The following PLEKHA5 variants were observed in gnomAD, a reference collection of about 807,000 sequenced individuals.
PLEKHA5 encodes the protein pleckstrin homology domain containing A5.
Under a neutral mutation model 181.9 loss-of-function variants are expected in PLEKHA5, and 55 were observed. The observed-to-expected ratio is 0.30, with a 90% confidence interval of 0.24 to 0.38. The LOEUF is 0.38. Ranked by LOEUF, PLEKHA5 falls within the 10% of genes least tolerant of loss-of-function variation. PLEKHA5 has a pLI of 1.00. For missense variants in PLEKHA5, 1,432 were observed against 1,549.5 expected (o/e 0.92, Z 1.27); for synonymous variants, 535 against 529.4 (o/e 1.01, Z -0.15).
At chr12:19,340,900 A>T (rs562117615) in intron 21 of PLEKHA5, among the ~76,000 whole-genome samples, 92 of 148,464 alleles carry the variant, frequency 6.2e-4, no homozygotes, top group Non-Finnish European at 1.3e-4. Flanking sequence ...TTGTCCTGTG[A>T]CCCTGCCAAA....
chr12:19,181,298 A>G (rs1305006542), intron 3 of PLEKHA5, among the ~76,000 whole-genome samples: 1 of 152,170 alleles, frequency 6.6e-6, no homozygotes, highest in African/African-American at 2.4e-5. Context: ...AATGAAGTAG[A>G]ACAACAGTAC....
rs1458545295 is a variant in PLEKHA5 at position 19,333,693 on chromosome 12, C to A, written c.2449-2822C>A. On this transcript the variant is annotated intron_variant, in intron 20 of 31. Coordinates refer to ENST00000429027, the MANE Select transcript of PLEKHA5 (RefSeq NM_001256470.2). ...ACACCATCTCGGCTCACTGCAACCT[C>A]CACCCCCCAGGTTCAAGCAATTCTC... 5.3e-5 allele frequency among the ~76,000 whole-genome samples: 8 copies of A among 150,022 alleles called. 1 individual carries two copies. Among genetic ancestry groups the A allele is most frequent in the Non-Finnish European group, 1.2e-4 (8 of 67,708 alleles).
At chr12:19,282,878 T>C (rs2076474948) in intron 11 of PLEKHA5, among the ~76,000 whole-genome samples, 2 of 152,088 alleles carry the variant, frequency 1.3e-5, no homozygotes, top group Non-Finnish European at 2.9e-5. Context: ...GTTTATACCT[T>C]GGATAATATT....
At chr12:19,174,567 G>A (rs191423206) in intron 3 of PLEKHA5, among the ~76,000 whole-genome samples, 1 of 152,216 alleles carries the variant, frequency 6.6e-6, no homozygotes, top group Admixed American at 6.5e-5. Flanking sequence ...AGAGGCGTGG[G>A]ATTTACACTT....
Position 19,325,302 on chromosome 12 carries a change from G to A in PLEKHA5, c.2448+2635G>A, listed in dbSNP as rs376259762. Among the ~76,000 whole-genome samples, 33 of 152,154 alleles carry A rather than the reference G, an allele frequency of 2.2e-4. 1 individual carries two copies. Among genetic ancestry groups the A allele is most frequent in the East Asian group, 1.6e-3 (8 of 5,148 alleles). ...GCTACTTAGGAGACTGAGGTGGGAG[G>A]ATCTCTTGAGCCCAGGAGGTCAAGG... On this transcript the variant is annotated intron_variant, in intron 20 of 31. Coordinates refer to ENST00000429027, the MANE Select transcript of PLEKHA5 (RefSeq NM_001256470.2).
chr12:19,347,620 G>A (rs1396703096), intron 24 of PLEKHA5, among the ~76,000 whole-genome samples: 1 of 152,008 alleles, frequency 6.6e-6, no homozygotes, highest in African/African-American at 2.4e-5. Flanking sequence ...TGTTGCTAAG[G>A]AGAGATGTCA....
At chr12:19,266,103 C>T (rs2070269704) in intron 8 of PLEKHA5, among the ~76,000 whole-genome samples, 1 of 152,084 alleles carries the variant, frequency 6.6e-6, no homozygotes, top group African/African-American at 2.4e-5. Flanking sequence ...TGTCAGAATG[C>T]TAATAATTGA....
At chr12:19,268,182 G>C (rs2071199401) in intron 8 of PLEKHA5, among the ~76,000 whole-genome samples, 1 of 152,106 alleles carries the variant, frequency 6.6e-6, no homozygotes, top group African/African-American at 2.4e-5. Flanking sequence ...ATTTTATGAT[G>C]TTAAAACAAA....
In PLEKHA5 at chr12:19,283,405, G is replaced by A; in HGVS notation, c.1439G>A (p.Ser480Asn). The change falls in exon 12 of 32, where the codon AGT becomes AAT. Residue 480 changes from serine (S) to asparagine (N), a missense_variant. Ser to Asn is a conservative substitution (Grantham distance 46). Coordinates refer to ENST00000429027, the MANE Select transcript of PLEKHA5 (RefSeq NM_001256470.2). Reference protein sequence around the residue: ...NSKTRPESICSVTPSTHDKTL... With the variant: ...NSKTRPESICNVTPSTHDKTL... The stretch of plus-strand genomic sequence containing the variant: ...AAGACAAGGCCTGAAAGTATCTGCA[G>A]TGTAACCCCTTCCACTCATGACAAG... The A allele has an allele frequency of 1.9e-6, 3 of 1,614,080 alleles. No individual in the cohort carries two copies. Among genetic ancestry groups the A allele is most frequent in the Middle Eastern group, 3.3e-4 (2 of 6,062 alleles).
intron 3 of PLEKHA5, among the ~76,000 whole-genome samples, chr12:19,230,696 C>T (rs2060399257): frequency 1.3e-5 from 2 of 152,148 alleles, no homozygotes; most frequent in Admixed American, 1.3e-4. Flanking sequence ...TGCGCTGGCC[C>T]ACAAGCGCTA....
intron 7 of PLEKHA5, among the ~76,000 whole-genome samples, chr12:19,264,447 C>T (rs2069618612): frequency 6.6e-6 from 1 of 152,102 alleles, no homozygotes; most frequent in Admixed American, 6.6e-5. Context: ...TGTGACTATA[C>T]CCTTTACATG....
At chr12:19,171,981 T>C (rs1484637803) in intron 3 of PLEKHA5, among the ~76,000 whole-genome samples, 1 of 152,200 alleles carries the variant, frequency 6.6e-6, no homozygotes, top group Non-Finnish European at 1.5e-5. Flanking sequence ...GTGATAACAA[T>C]GCCTTGCTTC....
intron 3 of PLEKHA5, among the ~76,000 whole-genome samples, chr12:19,228,990 G>T (rs756439059): frequency 5.9e-5 from 9 of 151,986 alleles, no homozygotes; most frequent in Non-Finnish European, 5.9e-5. Context: ...TAAAAGGGAA[G>T]AAAAAACTTG....
At chr12:19,156,684 T>C (rs2041799206) in intron 3 of PLEKHA5, among the ~76,000 whole-genome samples, 2 of 151,858 alleles carry the variant, frequency 1.3e-5, no homozygotes, top group African/African-American at 4.8e-5. Flanking sequence ...TTTCCCTCTT[T>C]TACAGAACAT....
chr12:19,321,952 C>T (rs555145894), intron 18 of PLEKHA5, among the ~76,000 whole-genome samples: 7 of 152,142 alleles, frequency 4.6e-5, no homozygotes, highest in South Asian at 2.1e-4. Flanking sequence ...AGAATTTAAA[C>T]ACTAAAACCC....
intron 20 of PLEKHA5, among the ~76,000 whole-genome samples, chr12:19,336,220 TA>T (rs775460792): frequency 1.5e-4 from 23 of 152,224 alleles, no homozygotes; most frequent in Non-Finnish European, 1.6e-4. Context: ...TCCAATATGC[TA>T]AAATACAAAC....
rs778527608 is a variant in PLEKHA5 at position 19,283,610 on chromosome 12, C to T, written c.1644C>T (p.Pro548=). 3.1e-6 allele frequency: 5 copies of T among 1,613,882 alleles called. No individual in the cohort carries two copies. The African/African-American group carries it at 4.0e-5, about 13-fold the overall frequency. ...CTGACCAGACAATGCACTCTATTCC[C>T]ACATCACCTTCCCACGGGTCAATAG... is the stretch of plus-strand genomic sequence containing the variant. ...NISDQTMHSI[P]TSPSHGSIAA... The change falls in exon 12 of 32, where the codon CCC becomes CCT. Residue 548 remains proline, a synonymous_variant. Transcript: ENST00000429027.
chr12:19,325,769 G>A (rs2091954558), intron 20 of PLEKHA5, among the ~76,000 whole-genome samples: 1 of 151,698 alleles, frequency 6.6e-6, no homozygotes, highest in South Asian at 2.1e-4. Context: ...AGCACTTTGG[G>A]AGGCCAAGGC....
intron 3 of PLEKHA5, among the ~76,000 whole-genome samples, chr12:19,191,691 GT>G (rs929149745): frequency 1.3e-5 from 2 of 152,244 alleles, no homozygotes; most frequent in Admixed American, 1.3e-4. Flanking sequence ...AAGCTGCTTG[GT>G]TGGGTAGTTC....
Sources: allele counts gnomAD v4.1 joint callset (sites outside exome capture counted in the v4.1 genomes callset), GRCh38; gene constraint gnomAD v4.1.1; transcripts MANE v1.5; gene names NCBI Gene and HGNC (gene_info 2026-07-23, HGNC 2026-07-21).